Variants in MAGI3 observed in about 807,000 individuals in gnomAD.
MAGI3 encodes membrane-associated guanylate kinase, WW and PDZ domain-containing protein 3.
A neutral mutation model predicts 121.8 loss-of-function variants in MAGI3; 43 were observed. The observed-to-expected ratio is 0.35, with a 90% CI of 0.28 to 0.46. The LOEUF (loss-of-function observed/expected upper bound fraction) is 0.46. Among genes scored for constraint, MAGI3 ranks in the 20% least tolerant of loss-of-function variants. The pLI is 1.00. For missense variants in MAGI3, 1,547 were observed against 1,797.3 expected (o/e 0.86, Z 2.52); for synonymous variants, 553 against 639.3 (o/e 0.86, Z 2.04).
intron 1 of MAGI3, among the ~76,000 whole-genome samples, chr1:113,403,131 A>T: frequency 6.6e-6 from 1 of 152,134 alleles, no homozygotes; most frequent in East Asian, 1.9e-4. Flanking sequence ...TGGGCTCTAG[A>T]CTGAGCCTCT....
At position 113,658,850 on chromosome 1, in the gene MAGI3, G is replaced by T. The variant is rs2100996729; in HGVS notation, c.2630-230G>T. Among the ~76,000 whole-genome samples the T allele has an allele frequency of 6.6e-6, 1 of 152,304 alleles. No individual in the cohort carries two copies. Among genetic ancestry groups the T allele is most frequent in the South Asian group, 2.1e-4 (1 of 4,828 alleles). ...CTGGTAGGTAGAAAATAGCAAAGAGGTTTATATGCTATGATTACAACTGTG... is the reference window on the plus strand; with the variant it reads ...CTGGTAGGTAGAAAATAGCAAAGAGTTTTATATGCTATGATTACAACTGTG... On this transcript the variant is annotated intron_variant, in intron 15 of 20. Transcript: ENST00000307546. The surrounding 1 kb of genome is among the most constrained non-coding windows in gnomAD (Gnocchi z 4.0).
chr1:113,662,868 CTGT>C (rs1217045052), intron 16 of MAGI3, among the ~76,000 whole-genome samples: 1 of 152,068 alleles, frequency 6.6e-6, no homozygotes, highest in Non-Finnish European at 1.5e-5. Context: ...TGACATTTAG[CTGT>C]TGTCTTTTTT....
chr1:113,523,039 G>T (rs1658278129), intron 1 of MAGI3, among the ~76,000 whole-genome samples: 1 of 152,148 alleles, frequency 6.6e-6, no homozygotes, highest in African/African-American at 2.4e-5. Flanking sequence ...TCTTTCCCAT[G>T]TTCTTCTCAT....
intron 20 of MAGI3, among the ~76,000 whole-genome samples, chr1:113,681,803 A>G (rs551981150): frequency 6.6e-6 from 1 of 152,208 alleles, no homozygotes; most frequent in Non-Finnish European, 1.5e-5. Context: ...CGGCAAAAAC[A>G]AGTTGCTATC....
At position 113,642,132 on chromosome 1, in the gene MAGI3, C is replaced by T. The variant is rs771247515; in HGVS notation, c.1582C>T (p.Pro528Ser). 6 of 1,614,052 alleles carry T rather than the reference C, an allele frequency of 3.7e-6. No homozygotes were observed. The South Asian group carries it at 6.6e-5, about 18-fold the overall frequency. ...SLTKGETCMN[P>S]QDFKPGAMVL... ...AACCAAGGGAGAGACTTGCATGAAT[C>T]CTCAGGATTTTAAGCCAGGAGCAAT... Residue 528 changes from proline to serine, a missense_variant, in exon 10 of 21, where the codon CCT (proline) becomes TCT (serine). By Grantham distance (74) the Pro-to-Ser change is moderately conservative. Transcript: ENST00000307546.
chr1:113,650,508 C>A (rs1455816080), intron 13 of MAGI3, among the ~76,000 whole-genome samples: 1 of 152,148 alleles, frequency 6.6e-6, no homozygotes, highest in African/African-American at 2.4e-5. Context: ...AAGCTTCAGG[C>A]CACTCTGTTC....
intron 1 of MAGI3, among the ~76,000 whole-genome samples, chr1:113,459,714 G>A (rs921033503): frequency 6.6e-6 from 1 of 152,150 alleles, no homozygotes; most frequent in Non-Finnish European, 1.5e-5. Flanking sequence ...ATTTTCAACC[G>A]TGTTTACTGA....
Position 113,684,084 on chromosome 1 carries a change from T to A in MAGI3, c.*70T>A. 2.3e-6 allele frequency: 1 copy of A among 438,504 alleles called. No homozygotes were observed. The highest frequency in any genetic ancestry group is 3.2e-6 in the Non-Finnish European group (1 of 314,456). 27.2% of individuals were successfully genotyped at this position (438,504 alleles called of 1,614,324 possible). ...CAGCAGCATTTTTCCAGAAAAAGCC[T>A]TTTTTTTTTTTTCAGATATTCTGAA... On this transcript the variant is annotated 3_prime_UTR_variant, in exon 21 of 21. Transcript: ENST00000307546.
intron 16 of MAGI3, among the ~76,000 whole-genome samples, chr1:113,666,426 T>A (rs1035573435): frequency 1.3e-5 from 2 of 152,216 alleles, no homozygotes; most frequent in African/African-American, 4.8e-5. Context: ...AGGAGTAGAT[T>A]CCATCTCAAG....
At chr1:113,538,600 C>A (rs1270456166) in intron 1 of MAGI3, among the ~76,000 whole-genome samples, 1 of 151,828 alleles carries the variant, frequency 6.6e-6, no homozygotes, top group Non-Finnish European at 1.5e-5. Context: ...AGAAAAGGAC[C>A]CAATTTTGAT....
intron 16 of MAGI3, among the ~76,000 whole-genome samples, chr1:113,670,188 G>A (rs1647455845): frequency 6.6e-6 from 1 of 152,036 alleles, no homozygotes; most frequent in Non-Finnish European, 1.5e-5. Context: ...GCAGCCAGAG[G>A]GCGTAGAAAT....
At chr1:113,472,064 T>C (rs886527304) in intron 1 of MAGI3, among the ~76,000 whole-genome samples, 2 of 152,346 alleles carry the variant, frequency 1.3e-5, no homozygotes, top group East Asian at 1.9e-4. Context: ...TGAAAGTCTA[T>C]TTTGTCTGAC....
At chr1:113,503,508 T>C (rs913754072) in intron 1 of MAGI3, among the ~76,000 whole-genome samples, 3 of 151,968 alleles carry the variant, frequency 2.0e-5, no homozygotes, top group Non-Finnish European at 4.4e-5. Context: ...ATTTTCACAG[T>C]ACGATAATTT....
At chr1:113,646,787 G>T in intron 12 of MAGI3, 145 bp downstream of exon 12, 1 of 606,998 alleles carries the variant, frequency 1.6e-6, no homozygotes, top group Non-Finnish European at 2.6e-6. Flanking sequence ...CTTCTTCCAT[G>T]TATATTCGAC....
intron 15 of MAGI3, among the ~76,000 whole-genome samples, chr1:113,657,339 C>G (rs889466789): frequency 6.6e-6 from 1 of 152,180 alleles, no homozygotes; most frequent in South Asian, 2.1e-4. Context: ...TTAACTGTTC[C>G]GGTGACACTG....
chr1:113,662,300 T>G (rs1267922852), intron 16 of MAGI3, among the ~76,000 whole-genome samples: 1 of 152,226 alleles, frequency 6.6e-6, no homozygotes. Context: ...ACTTCCAAAC[T>G]GTAGCCAGGA....
At chr1:113,468,985 A>G (rs1392902594) in intron 1 of MAGI3, among the ~76,000 whole-genome samples, 2 of 152,176 alleles carry the variant, frequency 1.3e-5, no homozygotes, top group Non-Finnish European at 2.9e-5. Flanking sequence ...AGAAATTGTG[A>G]CCATAAGCCT....
chr1:113,416,012 T>TTATATAATTAATCACACATATC (rs1652288562), intron 1 of MAGI3, among the ~76,000 whole-genome samples: 10 of 110,928 alleles, frequency 9.0e-5, no homozygotes, highest in Non-Finnish European at 1.5e-4. Context: ...TTACATATAT[T>TTATATAATTAATCACACATATC]AATTATGTAA....
chr1:113,473,303 C>T (rs1337602852), intron 1 of MAGI3, among the ~76,000 whole-genome samples: 2 of 151,996 alleles, frequency 1.3e-5, no homozygotes, highest in Non-Finnish European at 2.9e-5. Flanking sequence ...AGTACATGTG[C>T]ACAACGTGCA....
Sources: gnomAD v4.1 joint callset for allele counts (sites outside exome capture counted in the v4.1 genomes callset) on GRCh38, gnomAD v4.1.1 for gene constraint, Gnocchi (gnomAD v3.1) non-coding constraint, MANE v1.5 for transcripts, NCBI Gene and HGNC (gene_info 2026-07-23, HGNC 2026-07-21) for gene names.